The following XPO4 variants were observed in gnomAD, a reference collection of about 807,000 sequenced individuals.
The protein encoded by XPO4 is exportin 4.
In XPO4, 39 loss-of-function variants were observed where a neutral mutation model predicts 143.0. That is an observed-to-expected ratio of 0.27 (90% CI 0.21 to 0.36). The LOEUF is 0.36. Among genes scored for constraint, XPO4 ranks in the 10% least tolerant of loss-of-function variants. The probability of loss-of-function intolerance (pLI) is 1.00; values close to 1 mark genes in which losing one functional copy is unlikely to be tolerated. For synonymous variants in XPO4, 439 were observed against 474.0 expected, an observed-to-expected ratio of 0.93 and a Z score of 0.96; for missense variants, 907 against 1,348.0, an observed-to-expected ratio of 0.67 and a Z score of 5.12.
intron 9 of XPO4, among the ~76,000 whole-genome samples, chr13:20,816,295 A>T (rs1268654691): frequency 3.3e-5 from 5 of 152,210 alleles, no homozygotes; most frequent in African/African-American, 1.2e-4. Context: ...ATTCTTTCCT[A>T]GCGAAGTATC....
intron 1 of XPO4, among the ~76,000 whole-genome samples, chr13:20,889,648 T>C (rs1209080814): frequency 2.6e-5 from 4 of 152,160 alleles, no homozygotes; most frequent in Non-Finnish European, 5.9e-5. Flanking sequence ...TGAACGAACA[T>C]ACTTCCAAGG....
chr13:20,851,280 T>C (rs1242685218), intron 4 of XPO4: 9 of 985,408 alleles, frequency 9.1e-6, no homozygotes, highest in Middle Eastern at 5.2e-4. Context: ...ACCTGCCATA[T>C]AGAGAATATT....
At chr13:20,829,915 T>C (rs1047455598) in intron 6 of XPO4, among the ~76,000 whole-genome samples, 6 of 152,232 alleles carry the variant, frequency 3.9e-5, no homozygotes, top group Admixed American at 2.0e-4. Flanking sequence ...CTCTCCTCTA[T>C]CTTTTTATAA....
At chr13:20,900,192 C>T (rs1189127392) in intron 1 of XPO4, among the ~76,000 whole-genome samples, 1 of 152,162 alleles carries the variant, frequency 6.6e-6, no homozygotes, top group African/African-American at 2.4e-5. Flanking sequence ...CGAGACCAGC[C>T]TGGCCAACAT....
rs2059100838 is a variant in XPO4 at position 20,777,444 on chromosome 13, GT to G, written c.*6277del. 1 of 152,160 alleles carries G rather than the reference GT, an allele frequency of 6.6e-6. No homozygotes were observed. Among genetic ancestry groups the G allele is most frequent in the Non-Finnish European group, 1.5e-5 (1 of 68,012 alleles). The allele number at this position is 152,160 out of a possible 1,614,324, so 9.4% of individuals were successfully genotyped here. A position where few individuals can be genotyped will look rare whatever the true frequency, so the allele number is the denominator to read the frequency against. On this transcript the variant is annotated 3_prime_UTR_variant, in exon 23 of 23. Coordinates refer to ENST00000255305, the MANE Select transcript of XPO4 (RefSeq NM_022459.5). The stretch of plus-strand genomic sequence containing the variant: ...AACTCATGATATGGATAACAGACCT[GT>G]GGAAATTAATGTAAGCCCTAAGCAG...
chr13:20,872,796 C>T (rs1202167627), intron 1 of XPO4, among the ~76,000 whole-genome samples: 1 of 135,522 alleles, frequency 7.4e-6, no homozygotes, highest in Non-Finnish European at 1.7e-5. Context: ...ACTACACTTA[C>T]ATAGCTCAAA....
chr13:20,858,217 A>G (rs562503665), intron 3 of XPO4, among the ~76,000 whole-genome samples: 8 of 151,590 alleles, frequency 5.3e-5, no homozygotes, highest in African/African-American at 2.0e-4. Flanking sequence ...CTGAAGTGAC[A>G]GACTGCAATA....
chr13:20,809,266 G>A, intron 10 of XPO4, 41 bp from the exon 11 acceptor site: 1 of 1,597,722 alleles, frequency 6.3e-7, no homozygotes, highest in Non-Finnish European at 8.5e-7. Flanking sequence ...GAACTGCATT[G>A]CCTATTCAAC....
intron 4 of XPO4, among the ~76,000 whole-genome samples, chr13:20,847,142 G>A (rs559822835): frequency 6.6e-6 from 1 of 152,208 alleles, no homozygotes; most frequent in South Asian, 2.1e-4. Flanking sequence ...CTGGCTCAAA[G>A]GTGCCAAATG....
At chr13:20,891,050 G>A (rs780141721) in intron 1 of XPO4, among the ~76,000 whole-genome samples, 1 of 149,316 alleles carries the variant, frequency 6.7e-6, no homozygotes, top group Non-Finnish European at 1.5e-5. Flanking sequence ...CCGAGAGGTG[G>A]AGGTTGCTGT....
chr13:20,862,601 T>C, intron 3 of XPO4, 116 bp downstream of exon 3: 4 of 1,287,020 alleles, frequency 3.1e-6, no homozygotes, highest in South Asian at 1.4e-5. Context: ...GTGGAGATTA[T>C]AGGTGTGAGC....
At chr13:20,808,219 G>C (rs186898367) in intron 12 of XPO4, among the ~76,000 whole-genome samples, 1 of 152,262 alleles carries the variant, frequency 6.6e-6, no homozygotes, top group African/African-American at 2.4e-5. Flanking sequence ...TCAGCGGGTA[G>C]AATGAGATCC....
chr13:20,808,545 C>A lies in XPO4; in HGVS notation c.1530G>T (p.Gln510His). 6.4e-7 allele frequency: 1 copy of A among 1,561,206 alleles called. No homozygotes were observed. Among genetic ancestry groups the A allele is most frequent in the Non-Finnish European group, 8.8e-7 (1 of 1,142,550 alleles). ...LEERVTRLHG[Q>H]LQRHQQQLLA... Reference sequence around the variant, plus strand: ...GTAACTGTTGCTGATGTCGTTGTAACTGACCATGGAGTCTTGTTACTCTTT... The same window carrying A: ...GTAACTGTTGCTGATGTCGTTGTAAATGACCATGGAGTCTTGTTACTCTTT... Residue 510 changes from glutamine (Q) to histidine (H), a missense_variant, in exon 12 of 23, where the codon CAG becomes CAT. Gln to His is a conservative substitution (Grantham distance 24). Transcript: ENST00000255305.
chr13:20,779,174 C>T lies in XPO4; in HGVS notation c.*4548G>A, dbSNP rs576281631. On this transcript the variant is annotated 3_prime_UTR_variant, in exon 23 of 23. Coordinates refer to ENST00000255305, the MANE Select transcript of XPO4 (RefSeq NM_022459.5). ...ATTTATAAATTTAAAAAATTTTACA[C>T]GTGCTGAGTGGTAGCAGTGCTAACA... 4 of 152,504 alleles carry T rather than the reference C, an allele frequency of 2.6e-5. No individual in the cohort carries two copies. In the South Asian group the frequency reaches 6.2e-4, roughly 24 times the overall value. 9.4% of individuals were successfully genotyped at this position (152,504 alleles called of 1,614,324 possible). A position where few individuals can be genotyped will look rare whatever the true frequency, so the allele number is the denominator to read the frequency against.
chr13:20,902,655 G>T lies in XPO4; in HGVS notation c.69+15C>A. The T allele has an allele frequency of 6.4e-7, 1 of 1,562,656 alleles. No individual in the cohort carries two copies. The highest frequency in any genetic ancestry group is 8.7e-7 in the Non-Finnish European group (1 of 1,155,056). On this transcript the variant is annotated intron_variant, in intron 1 of 22. Transcript: ENST00000255305. ...GCCCGCGAATCCCGGGGTCTGAGGG[G>T]CGCGGCGTCCTCACCATCAGAACTT... is the stretch of plus-strand genomic sequence containing the variant.
chr13:20,800,411 G>T, intron 14 of XPO4, 86 bp from the exon 15 acceptor site: 5 of 1,318,566 alleles, frequency 3.8e-6, no homozygotes, highest in East Asian at 2.4e-5. Context: ...ACTGAAATTA[G>T]TATCTAATCT....
At chr13:20,810,506 T>C (rs749195119) in intron 9 of XPO4, among the ~76,000 whole-genome samples, 3 of 152,236 alleles carry the variant, frequency 2.0e-5, no homozygotes, top group East Asian at 1.9e-4. Flanking sequence ...AAGTGTCCCA[T>C]ACTTAGAGAA....
intron 5 of XPO4, among the ~76,000 whole-genome samples, chr13:20,843,337 T>C (rs2059995610): frequency 6.6e-6 from 1 of 152,176 alleles, no homozygotes; most frequent in Non-Finnish European, 1.5e-5. Context: ...TGCAGAGCCC[T>C]AGGATTTAAG....
chr13:20,785,471 G>A (rs538169232), intron 22 of XPO4, among the ~76,000 whole-genome samples: 2 of 151,888 alleles, frequency 1.3e-5, no homozygotes, highest in Non-Finnish European at 1.5e-5. Flanking sequence ...TCAGGAGTTC[G>A]ATACAAGCCT....
Sources: gnomAD v4.1 joint callset for allele counts (sites outside exome capture counted in the v4.1 genomes callset) on GRCh38, gnomAD v4.1.1 for gene constraint, MANE v1.5 for transcripts, NCBI Gene and HGNC (gene_info 2026-07-23, HGNC 2026-07-21) for gene names.